Variants in C2CD2 observed in about 807,000 individuals in gnomAD.
C2CD2 encodes the protein C2 calcium dependent domain containing 2.
A neutral mutation model predicts 74.3 loss-of-function variants in C2CD2; 43 were observed. The observed-to-expected ratio is 0.58, with a 90% CI of 0.45 to 0.75. The LOEUF (loss-of-function observed/expected upper bound fraction) is 0.75. Among genes scored for constraint, C2CD2 ranks in the 30% least tolerant of loss-of-function variants. C2CD2 has a pLI of 0.00. For synonymous variants in C2CD2, 422 were observed against 390.7 expected, an observed-to-expected ratio of 1.08 and a Z score of -0.94; for missense variants, 801 against 916.3, an observed-to-expected ratio of 0.87 and a Z score of 1.63.
chr21:41,904,401 C>G (rs1189245851), intron 11 of C2CD2, among the ~76,000 whole-genome samples: 1 of 152,222 alleles, frequency 6.6e-6, no homozygotes, highest in Non-Finnish European at 1.5e-5. Context: ...AAAGAGCCAA[C>G]CAGCAGCCCG....
Position 41,953,370 on chromosome 21 carries a change from C to T in C2CD2, c.279G>A (p.Gly93=), listed in dbSNP as rs1257761095. ...CCGGCCCGCAGTCCCGGAAACTCAC[C>T]CCTTTCCTCTCGGCCTCCTCGTTCA... The part of the protein sequence containing the change: ...TALNEEAERK[G]GPPFLSFEED... Residue 93 remains glycine (G), a splice_region_variant and synonymous_variant, in exon 1 of 14, where the codon GGG becomes GGA. Coordinates refer to ENST00000380486, the MANE Select transcript of C2CD2 (RefSeq NM_015500.2). 1.4e-6 allele frequency: 2 copies of T among 1,416,012 alleles called. No homozygotes were observed. The highest frequency in any genetic ancestry group is 1.9e-4 in the Middle Eastern group (1 of 5,286). The allele number at this position is 1,416,012 out of a possible 1,614,324, so 87.7% of individuals were successfully genotyped here.
At chr21:41,904,080 C>A (rs1222035032) in intron 11 of C2CD2, among the ~76,000 whole-genome samples, 1 of 152,130 alleles carries the variant, frequency 6.6e-6, no homozygotes, top group African/African-American at 2.4e-5. Flanking sequence ...AGACACAGGT[C>A]ACAAGGACCC....
At chr21:41,935,303 A>C (rs1408033369) in intron 2 of C2CD2, among the ~76,000 whole-genome samples, 2 of 152,256 alleles carry the variant, frequency 1.3e-5, no homozygotes, top group Non-Finnish European at 2.9e-5. Context: ...ATGCAGAAGC[A>C]AAAGACTGGC....
chr21:41,924,807 C>T lies in C2CD2; in HGVS notation c.379-2722G>A, dbSNP rs144937045. Among the ~76,000 whole-genome samples the T allele has an allele frequency of 2.5e-4, 38 of 152,340 alleles. 1 individual carries two copies. The East Asian group carries it at 7.3e-3, about 29-fold the overall frequency. ...ATCAGCATTGTACCAAGAAAACAGA[C>T]TCAGAGCCTCAACCCGAGCAAGAAA... On this transcript the variant is annotated intron_variant, in intron 2 of 13. Coordinates refer to ENST00000380486, the MANE Select transcript of C2CD2 (RefSeq NM_015500.2). This position sits in a 1 kb window ranked among gnomAD's most constrained non-coding sequence, Gnocchi z 4.4.
chr21:41,952,771 C>T (rs1295897671), intron 1 of C2CD2, among the ~76,000 whole-genome samples: 1 of 152,232 alleles, frequency 6.6e-6, no homozygotes, highest in Non-Finnish European at 1.5e-5. Context: ...CTCTCCGGGC[C>T]TTGGTTTCCT....
chr21:41,932,227 G>A (rs909896919), intron 2 of C2CD2, among the ~76,000 whole-genome samples: 8 of 149,912 alleles, frequency 5.3e-5, no homozygotes, highest in African/African-American at 7.3e-5. Flanking sequence ...TCAAGGTGCC[G>A]GGCGGGTGGC....
At chr21:41,919,548 TG>T (rs1018715626) in intron 3 of C2CD2, among the ~76,000 whole-genome samples, 22 of 152,332 alleles carry the variant, frequency 1.4e-4, no homozygotes, top group African/African-American at 4.8e-4. Context: ...TTTCTCCTTC[TG>T]GGAGTATCCG....
chr21:41,953,215 C>G (rs2065464457), intron 1 of C2CD2, 155 bp downstream of exon 1: 6 of 433,412 alleles, frequency 1.4e-5, no homozygotes, highest in Non-Finnish European at 2.4e-5. Flanking sequence ...CCTCGCTCCC[C>G]CGTCTCTCTC....
intron 2 of C2CD2, among the ~76,000 whole-genome samples, chr21:41,932,924 T>C (rs915405606): frequency 1.3e-4 from 19 of 150,110 alleles, no homozygotes; most frequent in African/African-American, 4.4e-4. Flanking sequence ...GCCAGTTTCA[T>C]TGGGAGAGGG....
rs2065241289 is a variant in C2CD2, at chr21:41,929,052, T to C, written c.379-6967A>G. ...ATCACTTGAGTCCATGAGTTTAAAA[T>C]GAGCCTGGGCAATATAGTGAGATCC... On this transcript the variant is annotated intron_variant, in intron 2 of 13. Transcript: ENST00000380486. This position sits in a 1 kb window ranked among gnomAD's most constrained non-coding sequence, Gnocchi z 4.6. Among the ~76,000 whole-genome samples the C allele has an allele frequency of 6.6e-6, 1 of 151,002 alleles. No individual in the cohort carries two copies. The highest frequency in any genetic ancestry group is 2.4e-5 in the African/African-American group (1 of 40,954).
In C2CD2 at chr21:41,887,332, AG is replaced by A. The variant is rs2064695719; in HGVS notation, c.*1791del. 6.6e-6 allele frequency: 1 copy of A among 152,206 alleles called. No homozygotes were observed. The highest frequency in any genetic ancestry group is 1.5e-5 in the Non-Finnish European group (1 of 68,026). 9.4% of individuals were successfully genotyped at this position (152,206 alleles called of 1,614,324 possible). A position where few individuals can be genotyped will look rare whatever the true frequency, so the allele number is the denominator to read the frequency against. ...GGAATATAATTTTTAAAAACAAAGCAGGTTGGAAAAGTCATTTTAAAGTCAC... is the reference window on the plus strand; with the variant it reads ...GGAATATAATTTTTAAAAACAAAGCAGTTGGAAAAGTCATTTTAAAGTCAC... On this transcript the variant is annotated 3_prime_UTR_variant, in exon 14 of 14. Coordinates refer to ENST00000380486, the MANE Select transcript of C2CD2 (RefSeq NM_015500.2).
chr21:41,889,771 T>C (rs1488885296), intron 13 of C2CD2, among the ~76,000 whole-genome samples: 1 of 152,078 alleles, frequency 6.6e-6, no homozygotes, highest in African/African-American at 2.4e-5. Context: ...TAGCTGGGAT[T>C]ACAGGTGTGT....
chr21:41,909,309 G>A (rs1251700579), intron 8 of C2CD2, 150 bp downstream of exon 8: 3 of 571,552 alleles, frequency 5.2e-6, no homozygotes, highest in South Asian at 2.4e-5. Context: ...ATTGCCTTTC[G>A]ACCAAACATT....
chr21:41,944,796 A>G (rs2065385432), intron 1 of C2CD2, among the ~76,000 whole-genome samples: 1 of 152,190 alleles, frequency 6.6e-6, no homozygotes, highest in African/African-American at 2.4e-5. Flanking sequence ...GTCCACATAG[A>G]AAAAGAAACA....
chr21:41,950,860 T>C (rs962773939), intron 1 of C2CD2, among the ~76,000 whole-genome samples: 38 of 152,168 alleles, frequency 2.5e-4, no homozygotes, highest in African/African-American at 8.9e-4. Context: ...ATGCTGGACA[T>C]GATTAAGTTA....
At chr21:41,906,943 A>G in intron 10 of C2CD2, 49 bp downstream of exon 10, 1 of 1,479,484 alleles carries the variant, frequency 6.8e-7, no homozygotes, top group East Asian at 2.3e-5. Context: ...AGGTGGTTAC[A>G]GGCAGGCGTC....
At chr21:41,920,102 TC>T (rs920076515) in intron 3 of C2CD2, among the ~76,000 whole-genome samples, 3 of 151,904 alleles carry the variant, frequency 2.0e-5, no homozygotes, top group African/African-American at 7.3e-5. Flanking sequence ...TGGAACTCAG[TC>T]CCGTAATCCC....
At chr21:41,894,301 C>T (rs1449975993) in intron 13 of C2CD2, among the ~76,000 whole-genome samples, 2 of 152,168 alleles carry the variant, frequency 1.3e-5, no homozygotes, top group Admixed American at 1.3e-4. Flanking sequence ...TGTTTTCCTA[C>T]CTATAGGATT....
At chr21:41,950,599 C>T in intron 1 of C2CD2, among the ~76,000 whole-genome samples, 1 of 152,198 alleles carries the variant, frequency 6.6e-6, no homozygotes, top group Admixed American at 6.5e-5. Flanking sequence ...TTCTCGCTGG[C>T]TCTCATTTAA....
Sources: allele counts gnomAD v4.1 joint callset (sites outside exome capture counted in the v4.1 genomes callset), GRCh38; gene constraint gnomAD v4.1.1; non-coding constraint Gnocchi (gnomAD v3.1); transcripts MANE v1.5; gene names NCBI Gene and HGNC (gene_info 2026-07-23, HGNC 2026-07-21).